The following MAST4 variants were observed in gnomAD, a reference collection of about 807,000 sequenced individuals.
MAST4 encodes microtubule associated serine/threonine kinase family member 4, also known as microtubule-associated serine/threonine-protein kinase 4.
In MAST4, 89 loss-of-function variants were observed where a neutral mutation model predicts 162.7. The ratio of observed to expected loss-of-function variants is 0.55; its 90% CI spans 0.46 to 0.65. The LOEUF is 0.65. MAST4 is among the 30% of genes least tolerant of loss of function. The pLI is 0.00. For synonymous variants in MAST4, 1,479 were observed against 1,361.1 expected (o/e 1.09, Z -1.91); for missense variants, 3,153 against 3,374.0 (o/e 0.93, Z 1.62).
At chr5:66,606,578 C>T (rs930614975) in intron 1 of MAST4, among the ~76,000 whole-genome samples, 10 of 152,112 alleles carry the variant, frequency 6.6e-5, no homozygotes, top group African/African-American at 2.4e-4. Flanking sequence ...TATCTTTGTT[C>T]CTGCATTGTG....
chr5:67,021,746 C>CT (rs1036426488), intron 4 of MAST4, among the ~76,000 whole-genome samples: 4 of 152,186 alleles, frequency 2.6e-5, no homozygotes, highest in Admixed American at 2.6e-4. Context: ...TTACCACACT[C>CT]TAACTCCCAC....
chr5:67,087,317 C>T (rs1402526690), intron 5 of MAST4, among the ~76,000 whole-genome samples: 3 of 152,302 alleles, frequency 2.0e-5, no homozygotes, highest in African/African-American at 7.2e-5. Context: ...TTCTCTTGAC[C>T]TTCCATGTCC....
intron 1 of MAST4, among the ~76,000 whole-genome samples, chr5:66,617,673 G>A (rs1158779123): frequency 6.6e-6 from 1 of 152,108 alleles, no homozygotes; most frequent in Non-Finnish European, 1.5e-5. Flanking sequence ...GCACCCAGTA[G>A]ATAACCATAC....
intron 1 of MAST4, among the ~76,000 whole-genome samples, chr5:66,667,145 A>G (rs1000872327): frequency 1.3e-5 from 2 of 152,204 alleles, no homozygotes; most frequent in Non-Finnish European, 2.9e-5. Flanking sequence ...CCTGTCTTGC[A>G]TAATTATGAA....
chr5:66,989,798 A>C (rs994360700), intron 4 of MAST4, among the ~76,000 whole-genome samples: 1 of 152,242 alleles, frequency 6.6e-6, no homozygotes, highest in Admixed American at 6.5e-5. Flanking sequence ...AGGAACTTTA[A>C]AACTATCTTA....
intron 3 of MAST4, among the ~76,000 whole-genome samples, chr5:66,821,207 T>A (rs767576988): frequency 5.3e-5 from 8 of 152,220 alleles, no homozygotes; most frequent in Non-Finnish European, 8.8e-5. Context: ...GTGGGAAAAA[T>A]TCCTACTTTC....
intron 3 of MAST4, among the ~76,000 whole-genome samples, chr5:66,863,981 C>A (rs1191143221): frequency 1.3e-5 from 2 of 152,160 alleles, no homozygotes; most frequent in Non-Finnish European, 2.9e-5. Context: ...TTGCAGGAAT[C>A]CTGACTGAAA....
intron 3 of MAST4, among the ~76,000 whole-genome samples, chr5:66,860,446 A>G (rs917668033): frequency 6.6e-6 from 1 of 152,192 alleles, no homozygotes; most frequent in African/African-American, 2.4e-5. Context: ...AATTATGAGA[A>G]GTGGTGCTTA....
At chr5:66,861,077 T>A (rs2149839003) in intron 3 of MAST4, among the ~76,000 whole-genome samples, 1 of 152,286 alleles carries the variant, frequency 6.6e-6, no homozygotes, top group Non-Finnish European at 1.5e-5. Context: ...TATAATTGGG[T>A]CACAGTAACT....
intron 5 of MAST4, among the ~76,000 whole-genome samples, chr5:67,080,224 T>C (rs1427897959): frequency 6.6e-6 from 1 of 152,228 alleles, no homozygotes; most frequent in Non-Finnish European, 1.5e-5. Flanking sequence ...GTCCAGCATA[T>C]ATTAACTCTG....
At chr5:66,890,972 A>G (rs1222088182) in intron 3 of MAST4, among the ~76,000 whole-genome samples, 1 of 152,224 alleles carries the variant, frequency 6.6e-6, no homozygotes, top group Non-Finnish European at 1.5e-5. Flanking sequence ...TAGTAAAGAA[A>G]GACAGTTCCC....
chr5:66,850,904 C>T (rs1449973759), intron 3 of MAST4, among the ~76,000 whole-genome samples: 1 of 150,006 alleles, frequency 6.7e-6, no homozygotes, highest in Non-Finnish European at 1.5e-5. Flanking sequence ...CAACCCTGAC[C>T]CAAGATGTTG....
intron 3 of MAST4, among the ~76,000 whole-genome samples, chr5:66,877,481 G>A (rs1761382025): frequency 6.6e-6 from 1 of 152,158 alleles, no homozygotes; most frequent in African/African-American, 2.4e-5. Flanking sequence ...AGTGAAGCCA[G>A]GATTCAAGCC....
At chr5:67,001,336 T>A (rs1314359375) in intron 4 of MAST4, 3 of 152,216 alleles carry the variant, frequency 2.0e-5, no homozygotes, top group Non-Finnish European at 4.4e-5. Flanking sequence ...AGTGTGGGAA[T>A]GTACAATCCA....
intron 4 of MAST4, among the ~76,000 whole-genome samples, chr5:66,987,884 G>T (rs752098114): frequency 3.3e-5 from 5 of 152,164 alleles, no homozygotes; most frequent in Non-Finnish European, 7.4e-5. Flanking sequence ...CTATAGTTAG[G>T]ACATGGAAGT....
At chr5:67,049,509 T>C (rs1284403314) in intron 4 of MAST4, among the ~76,000 whole-genome samples, 1 of 152,160 alleles carries the variant, frequency 6.6e-6, no homozygotes, top group Non-Finnish European at 1.5e-5. Context: ...TCATCTTCTC[T>C]AAAGGTGTGA....
At chr5:67,075,456 A>G (rs923366499) in intron 5 of MAST4, among the ~76,000 whole-genome samples, 6 of 142,392 alleles carry the variant, frequency 4.2e-5, no homozygotes, top group Admixed American at 3.7e-4. Flanking sequence ...GATTACAGGC[A>G]TGAGCCACCA....
chr5:66,899,108 G>A (rs1296421581), intron 3 of MAST4, among the ~76,000 whole-genome samples: 2 of 152,190 alleles, frequency 1.3e-5, no homozygotes, highest in Non-Finnish European at 2.9e-5. Flanking sequence ...ATAGCCAAAC[G>A]ACTCATTGCT....
At chr5:67,130,498 C>A in intron 15 of MAST4, 80 bp downstream of exon 15, 1 of 1,412,034 alleles carries the variant, frequency 7.1e-7, no homozygotes, top group Non-Finnish European at 9.8e-7. Flanking sequence ...TGTATTTGTG[C>A]CACATAATGG....
Sources: allele counts gnomAD v4.1 joint callset (sites outside exome capture counted in the v4.1 genomes callset), GRCh38; gene constraint gnomAD v4.1.1; transcripts MANE v1.5; gene names NCBI Gene and HGNC (gene_info 2026-07-23, HGNC 2026-07-21).